Variants in ZEB1 observed in about 807,000 individuals in gnomAD.
ZEB1 encodes the protein zinc finger E-box-binding homeobox 1.
In ZEB1, 21 loss-of-function variants were observed where a neutral mutation model predicts 84.9. That is an observed-to-expected ratio of 0.25 (90% CI 0.18 to 0.36). The LOEUF is 0.36. Ranked by LOEUF, ZEB1 falls within the 10% of genes least tolerant of loss-of-function variation. The pLI, the probability that ZEB1 is intolerant of heterozygous loss-of-function variation, is 1.00. For missense variants in ZEB1, 1,104 were observed against 1,330.2 expected, an observed-to-expected ratio of 0.83 and a Z score of 2.65; for synonymous variants, 420 against 471.1, an observed-to-expected ratio of 0.89 and a Z score of 1.41.
chr10:31,390,375 G>A (rs1000681423), intron 1 of ZEB1, among the ~76,000 whole-genome samples: 2 of 152,076 alleles, frequency 1.3e-5, no homozygotes, highest in African/African-American at 4.8e-5. Flanking sequence ...GATATCTCTA[G>A]CCCATTTCTT....
intron 1 of ZEB1, among the ~76,000 whole-genome samples, chr10:31,380,234 C>T (rs7894653): frequency 0.014 from 2,156 of 151,966 alleles, 50 homozygotes; most frequent in African/African-American, 0.049. Context: ...GGTAAACTAT[C>T]CTGTAGAATA....
chr10:31,325,973 T>C, intron 1 of ZEB1, among the ~76,000 whole-genome samples: 1 of 151,136 alleles, frequency 6.6e-6, no homozygotes. Context: ...TTGGGTTTTT[T>C]TTTTTTTTTT....
In ZEB1 at chr10:31,514,608, T is replaced by G; in HGVS notation, c.693T>G (p.His231Gln). 1 of 1,612,272 alleles carries G rather than the reference T, an allele frequency of 6.2e-7. No individual in the cohort carries two copies. The highest frequency in any genetic ancestry group is 2.2e-5 in the East Asian group (1 of 44,740). ...TACCAGTTCTTTTCTTACAGAGACA[T>G]GTGACGCAGTCTGGGTGTAATCGTA... is the stretch of plus-strand genomic sequence containing the variant. ...TSHKSGRDQRHVTQSGCNRKF... is the reference protein window; with the variant it reads ...TSHKSGRDQRQVTQSGCNRKF... Residue 231 changes from histidine to glutamine, a missense_variant, in exon 6 of 9, where the codon CAT becomes CAG. Around this residue, in one of 7 missense-constraint regions of ZEB1, gnomAD observed 71 missense variants for 119.1 expected, o/e 0.60. Coordinates refer to ENST00000424869, the MANE Select transcript of ZEB1 (RefSeq NM_001174096.2).
At chr10:31,402,110 C>T (rs935892908) in intron 1 of ZEB1, among the ~76,000 whole-genome samples, 1 of 150,918 alleles carries the variant, frequency 6.6e-6, no homozygotes, top group African/African-American at 2.4e-5. Context: ...GTTGTTGTTG[C>T]TGTTGTTGTT....
chr10:31,362,948 C>T (rs2043603199), intron 1 of ZEB1: 7 of 1,533,652 alleles, frequency 4.6e-6, no homozygotes, highest in South Asian at 2.4e-5. Flanking sequence ...CTTTGGGAAG[C>T]CTGACCCACC....
chr10:31,434,072 A>G (rs2136309411), intron 1 of ZEB1, among the ~76,000 whole-genome samples: 1 of 152,366 alleles, frequency 6.6e-6, no homozygotes, highest in South Asian at 2.1e-4. Flanking sequence ...GTAGGAAAGC[A>G]ATTAGCATGT....
At chr10:31,449,986 A>G (rs375267056) in intron 1 of ZEB1, among the ~76,000 whole-genome samples, 1 of 152,226 alleles carries the variant, frequency 6.6e-6, no homozygotes, top group African/African-American at 2.4e-5. Context: ...TGACAAGGCT[A>G]GTAAGCAGTG....
chr10:31,500,820 A>G (rs769132368), intron 3 of ZEB1, among the ~76,000 whole-genome samples: 2 of 152,214 alleles, frequency 1.3e-5, no homozygotes, highest in African/African-American at 4.8e-5. Context: ...TTTAAACCCA[A>G]CAGTCCAGCT....
At position 31,526,742 on chromosome 10, in the gene ZEB1, G is replaced by A; in HGVS notation, c.2856G>A (p.Met952Ile). 6.2e-7 allele frequency: 1 copy of A among 1,614,084 alleles called. No individual in the cohort carries two copies. The highest frequency in any genetic ancestry group is 8.5e-7 in the Non-Finnish European group (1 of 1,180,006). The change falls in exon 9 of 9, where the codon ATG becomes ATA. Residue 952 changes from methionine to isoleucine, a missense_variant. Met to Ile is a conservative substitution (Grantham distance 10). This residue lies in a region of ZEB1 where 53 missense variants were observed against 92.5 expected (regional missense o/e 0.57). Coordinates refer to ENST00000424869, the MANE Select transcript of ZEB1 (RefSeq NM_001174096.2). Reference sequence around the variant, plus strand: ...ACAAACATCATTTGATTGAACACATGCGATTACATTCTGGAGAAAAGCCCT... The same window carrying A: ...ACAAACATCATTTGATTGAACACATACGATTACATTCTGGAGAAAAGCCCT... ...FKHKHHLIEHMRLHSGEKPYQ... is the reference protein window; with the variant it reads ...FKHKHHLIEHIRLHSGEKPYQ...
intron 1 of ZEB1, among the ~76,000 whole-genome samples, chr10:31,380,171 C>T (rs1055426827): frequency 6.6e-6 from 1 of 152,052 alleles, no homozygotes. Flanking sequence ...CCCCAAACCC[C>T]CTTCTTCCTC....
At chr10:31,334,230 G>T (rs1196133245) in intron 1 of ZEB1, among the ~76,000 whole-genome samples, 1 of 152,056 alleles carries the variant, frequency 6.6e-6, no homozygotes, top group African/African-American at 2.4e-5. Flanking sequence ...AGTAGAGGAG[G>T]AACACTTAGA....
At chr10:31,413,471 G>A (rs1285410396) in intron 1 of ZEB1, among the ~76,000 whole-genome samples, 1 of 152,162 alleles carries the variant, frequency 6.6e-6, no homozygotes, top group Non-Finnish European at 1.5e-5. Flanking sequence ...ATTGCAGATA[G>A]AGAGGGAGAG....
At chr10:31,420,008 C>A (rs1434789613) in intron 1 of ZEB1, among the ~76,000 whole-genome samples, 1 of 152,078 alleles carries the variant, frequency 6.6e-6, no homozygotes, top group Non-Finnish European at 1.5e-5. Flanking sequence ...GATCTCTTAA[C>A]AATTTAATTA....
At chr10:31,386,591 A>C (rs1167276059) in intron 1 of ZEB1, among the ~76,000 whole-genome samples, 1 of 152,082 alleles carries the variant, frequency 6.6e-6, no homozygotes, top group Non-Finnish European at 1.5e-5. Flanking sequence ...TCCTTTCCTC[A>C]TGGAGTTTTA....
intron 1 of ZEB1, among the ~76,000 whole-genome samples, chr10:31,335,158 A>G (rs1416046922): frequency 6.6e-6 from 1 of 152,106 alleles, no homozygotes; most frequent in African/African-American, 2.4e-5. Context: ...CAGTCCGAAA[A>G]TATTAAATGG....
At chr10:31,516,505 A>T (rs1330479785) in intron 6 of ZEB1, among the ~76,000 whole-genome samples, 1 of 147,928 alleles carries the variant, frequency 6.8e-6, no homozygotes, top group Non-Finnish European at 1.5e-5. Flanking sequence ...GAAGAAAATG[A>T]CAATCAGTAA....
intron 4 of ZEB1, among the ~76,000 whole-genome samples, chr10:31,505,728 T>C (rs2068867973): frequency 6.6e-6 from 1 of 152,000 alleles, no homozygotes. Flanking sequence ...TTGTGTTGTT[T>C]TTTAGTCTTC....
intron 1 of ZEB1, among the ~76,000 whole-genome samples, chr10:31,422,023 A>T (rs183089058): frequency 3.0e-4 from 46 of 152,026 alleles, no homozygotes; most frequent in African/African-American, 1.1e-3. Context: ...TGATCCATAG[A>T]TACACATTTG....
chr10:31,458,298 A>C (rs2061460107), intron 1 of ZEB1, among the ~76,000 whole-genome samples: 1 of 150,234 alleles, frequency 6.7e-6, no homozygotes, highest in Non-Finnish European at 1.5e-5. Flanking sequence ...ATTTGCCAGT[A>C]AGCATCTCCA....
Sources: allele counts gnomAD v4.1 joint callset (sites outside exome capture counted in the v4.1 genomes callset), GRCh38; gene constraint gnomAD v4.1.1; regional missense constraint gnomAD v4.1.1; transcripts MANE v1.5; gene names NCBI Gene and HGNC (gene_info 2026-07-23, HGNC 2026-07-21).